The following MBNL1 variants were observed in gnomAD, a reference collection of about 807,000 sequenced individuals.
MBNL1 encodes muscleblind like splicing regulator 1.
In MBNL1, 8 loss-of-function variants were observed where a neutral mutation model predicts 42.2. The ratio of observed to expected loss-of-function variants is 0.19; its 90% CI spans 0.11 to 0.34. The LOEUF (loss-of-function observed/expected upper bound fraction) is 0.34, where lower values mean the gene tolerates loss of function less well. Ranked by LOEUF, MBNL1 falls within the 10% of genes least tolerant of loss-of-function variation. MBNL1 has a pLI of 1.00. For missense variants in MBNL1, 309 were observed against 495.3 expected (o/e 0.62, Z 3.57); for synonymous variants, 169 against 173.9 (o/e 0.97, Z 0.22).
At chr3:152,401,888 C>T (rs142519978) in intron 2 of MBNL1, among the ~76,000 whole-genome samples, 2 of 151,814 alleles carry the variant, frequency 1.3e-5, no homozygotes, top group African/African-American at 2.4e-5. Context: ...AAAAATCAGC[C>T]GTGTGTTGTG....
At chr3:152,393,631 AT>A (rs1354408901) in intron 2 of MBNL1, among the ~76,000 whole-genome samples, 2 of 152,096 alleles carry the variant, frequency 1.3e-5, no homozygotes, top group African/African-American at 4.8e-5. Flanking sequence ...CCTTCCATTA[AT>A]GTCTTCTATA....
chr3:152,428,890 A>G (rs979444873), intron 3 of MBNL1, among the ~76,000 whole-genome samples: 2 of 152,172 alleles, frequency 1.3e-5, no homozygotes, highest in African/African-American at 4.8e-5. Flanking sequence ...TAGACACATA[A>G]TCTTTGTGAT....
chr3:152,278,357 C>A (rs573767548), intron 1 of MBNL1, among the ~76,000 whole-genome samples: 5 of 152,118 alleles, frequency 3.3e-5, no homozygotes, highest in Non-Finnish European at 7.4e-5. Context: ...AAGTGAACGA[C>A]GGAGGATACA....
Position 152,357,681 on chromosome 3 carries a change from T to G in MBNL1, c.175-57260T>G, listed in dbSNP as rs2095626895. 1.3e-5 allele frequency among the ~76,000 whole-genome samples: 2 copies of G among 152,146 alleles called. 1 individual carries two copies. The highest frequency in any genetic ancestry group is 4.1e-4 in the South Asian group (2 of 4,834). On this transcript the variant is annotated intron_variant, in intron 2 of 9. Coordinates refer to ENST00000324210, the MANE Select transcript of MBNL1 (RefSeq NM_021038.5). Reference sequence around the variant, plus strand: ...GTTAGAGAAATTGAATCTCAGATGGTGAGTGTTTTATTTTCCCACCTTACT... The same window carrying G: ...GTTAGAGAAATTGAATCTCAGATGGGGAGTGTTTTATTTTCCCACCTTACT...
intron 1 of MBNL1, among the ~76,000 whole-genome samples, chr3:152,281,130 T>C (rs1348806961): frequency 1.3e-5 from 2 of 152,276 alleles, no homozygotes; most frequent in East Asian, 1.9e-4. Context: ...ACATGTGTGA[T>C]CCCATAGCTC....
chr3:152,408,486 A>G (rs1003904686), intron 2 of MBNL1, among the ~76,000 whole-genome samples: 1 of 152,158 alleles, frequency 6.6e-6, no homozygotes, highest in African/African-American at 2.4e-5. Flanking sequence ...AATTTGTAAC[A>G]CAAGCAAAAT....
Position 152,445,539 on chromosome 3 carries a change from G to A in MBNL1, c.807G>A (p.Met269Ile). ...AAQAAATAAA[M>I]GIPQAVLPPL... Reference sequence around the variant, plus strand: ...AGGCTGCAGCCACCGCAGCTGCCATGGTGAGTAGAGATATCAGCTCTCTCC... The same window carrying A: ...AGGCTGCAGCCACCGCAGCTGCCATAGTGAGTAGAGATATCAGCTCTCTCC... The change falls in exon 5 of 10, where the codon ATG becomes ATA. Residue 269 changes from methionine to isoleucine, a missense_variant and splice_region_variant. Physicochemically the swap from Met to Ile is conservative, Grantham distance 10. Coordinates refer to ENST00000324210, the MANE Select transcript of MBNL1 (RefSeq NM_021038.5). The A allele has an allele frequency of 6.2e-7, 1 of 1,611,062 alleles. No individual in the cohort carries two copies. Among genetic ancestry groups the A allele is most frequent in the Non-Finnish European group, 8.5e-7 (1 of 1,178,478 alleles).
chr3:152,337,290 T>G (rs1300788057), intron 2 of MBNL1, among the ~76,000 whole-genome samples: 1 of 152,150 alleles, frequency 6.6e-6, no homozygotes, highest in East Asian at 1.9e-4. Context: ...CAGGAAAATC[T>G]TAGACAGTGA....
At chr3:152,302,979 G>A (rs886523443) in intron 2 of MBNL1, among the ~76,000 whole-genome samples, 9 of 150,900 alleles carry the variant, frequency 6.0e-5, no homozygotes, top group African/African-American at 2.2e-4. Context: ...GGTGACTTAC[G>A]TTAATAGCAG....
intron 2 of MBNL1, among the ~76,000 whole-genome samples, chr3:152,315,815 A>G (rs1341505132): frequency 6.6e-6 from 1 of 151,920 alleles, no homozygotes. Flanking sequence ...CCAGCAGACA[A>G]GTTTCTACAG....
intron 1 of MBNL1, among the ~76,000 whole-genome samples, chr3:152,279,387 C>T (rs1188603049): frequency 6.6e-6 from 1 of 152,078 alleles, no homozygotes; most frequent in African/African-American, 2.4e-5. Context: ...CCATCCCTCC[C>T]CATCCCATGA....
At chr3:152,340,363 TC>T in intron 2 of MBNL1, 1 of 752,564 alleles carries the variant, frequency 1.3e-6, no homozygotes, top group Non-Finnish European at 2.1e-6. Flanking sequence ...AATAGTAATC[TC>T]TTGTGGTGTA....
At chr3:152,457,877 G>C in intron 8 of MBNL1, 2 of 430,072 alleles carry the variant, frequency 4.7e-6, no homozygotes, top group Middle Eastern at 6.4e-4. Flanking sequence ...TTTTTGCATT[G>C]TGCTGTGACC....
At chr3:152,245,900 T>C (rs1327684334) in intron 2 of MBNL1, among the ~76,000 whole-genome samples, 2 of 152,184 alleles carry the variant, frequency 1.3e-5, no homozygotes, top group East Asian at 1.9e-4. Context: ...CAATTGTGCT[T>C]CTTCATCTTT....
At chr3:152,335,477 A>G (rs2089206155) in intron 2 of MBNL1, among the ~76,000 whole-genome samples, 1 of 152,208 alleles carries the variant, frequency 6.6e-6, no homozygotes, top group African/African-American at 2.4e-5. Flanking sequence ...TTTGTTCAGT[A>G]CTTCAGTAGA....
chr3:152,246,804 G>A (rs150326936), intron 2 of MBNL1, among the ~76,000 whole-genome samples: 1 of 151,814 alleles, frequency 6.6e-6, no homozygotes, highest in African/African-American at 2.4e-5. Context: ...TCTTCTTGGG[G>A]GTCTATTAAA....
chr3:152,306,446 T>C (rs1270326107), intron 2 of MBNL1, among the ~76,000 whole-genome samples: 6 of 152,174 alleles, frequency 3.9e-5, no homozygotes, highest in African/African-American at 7.2e-5. Context: ...CCAGCCATCA[T>C]ATCCTTAGTC....
intron 2 of MBNL1, chr3:152,339,759 A>G (rs1279733049): frequency 1.3e-5 from 2 of 152,200 alleles, no homozygotes; most frequent in Non-Finnish European, 2.9e-5. Context: ...AGCTGAACAA[A>G]ATGAAAAATA....
At chr3:152,408,440 A>G (rs2098486341) in intron 2 of MBNL1, among the ~76,000 whole-genome samples, 2 of 152,198 alleles carry the variant, frequency 1.3e-5, no homozygotes, top group South Asian at 2.1e-4. Flanking sequence ...CAAATAAAAC[A>G]TGAAATATAA....
Sources: allele counts gnomAD v4.1 joint callset (sites outside exome capture counted in the v4.1 genomes callset), GRCh38; gene constraint gnomAD v4.1.1; transcripts MANE v1.5; gene names NCBI Gene and HGNC (gene_info 2026-07-23, HGNC 2026-07-21).